FARP2: variants seen among roughly 807,000 people sequenced by gnomAD.
FARP2 encodes the protein FERM, ARH/RhoGEF and pleckstrin domain protein 2.
In FARP2, 111 loss-of-function variants were observed where a neutral mutation model predicts 130.5. The observed-to-expected ratio is 0.85, with a 90% CI of 0.73 to 1.00. The LOEUF is 1.00. Ranked by LOEUF, FARP2 falls within the 50% of genes least tolerant of loss-of-function variation. The pLI is 0.00. For synonymous variants in FARP2, 504 were observed against 516.9 expected (o/e 0.98, Z 0.34); for missense variants, 1,385 against 1,346.3 (o/e 1.03, Z -0.45).
chr2:241,449,919 A>G (rs960185762), intron 13 of FARP2, among the ~76,000 whole-genome samples: 1 of 151,968 alleles, frequency 6.6e-6, no homozygotes, highest in Non-Finnish European at 1.5e-5. Context: ...AGGCAGGAGA[A>G]TCACTTGAAC....
intron 2 of FARP2, among the ~76,000 whole-genome samples, chr2:241,389,414 C>T (rs759890400): frequency 7.2e-5 from 11 of 152,214 alleles, no homozygotes; most frequent in Non-Finnish European, 1.6e-4. Flanking sequence ...CATCTGTTAA[C>T]CAAGCCTTAT....
At chr2:241,489,153 G>T (rs1437880975) in intron 21 of FARP2, 1 of 152,190 alleles carries the variant, frequency 6.6e-6, no homozygotes, top group African/African-American at 2.4e-5. Flanking sequence ...CCAGTGAGAG[G>T]CTTGGTTGGT....
intron 22 of FARP2, among the ~76,000 whole-genome samples, chr2:241,490,384 A>G (rs988227186): frequency 1.3e-5 from 2 of 152,164 alleles, no homozygotes; most frequent in South Asian, 2.1e-4. Flanking sequence ...CGCTTCCCCA[A>G]CCCTCACGTC....
rs2064698081 is a variant in FARP2 at position 241,484,259 on chromosome 2, G to A, written c.2349G>A (p.Leu783=). 1 of 1,614,040 alleles carries A rather than the reference G, an allele frequency of 6.2e-7. No homozygotes were observed. Among genetic ancestry groups the A allele is most frequent in the Non-Finnish European group, 8.5e-7 (1 of 1,179,984 alleles). The change falls in exon 21 of 27, where the codon CTG becomes CTA. Residue 783 remains leucine, a synonymous_variant. Transcript: ENST00000264042. ...CTTCTCAGTTCTCAGATATGTTGCTGTACACAAGCAAAGGAGTTGCAGGGA... is the reference window on the plus strand; with the variant it reads ...CTTCTCAGTTCTCAGATATGTTGCTATACACAAGCAAAGGAGTTGCAGGGA... ...RMFFLFSDML[L]YTSKGVAGTS...
chr2:241,466,409 TG>T, intron 17 of FARP2: 1 of 985,408 alleles, frequency 1.0e-6, no homozygotes, highest in South Asian at 4.7e-5. Context: ...AGGCCCGCTG[TG>T]GGTGGGCACT....
chr2:241,481,713 G>A (rs2064620076), intron 19 of FARP2, among the ~76,000 whole-genome samples: 1 of 152,084 alleles, frequency 6.6e-6, no homozygotes, highest in Non-Finnish European at 1.5e-5. Flanking sequence ...GGTGGCCCAG[G>A]GAACTGTCAC....
At chr2:241,404,335 A>AAAGC (rs2062275067) in intron 3 of FARP2, among the ~76,000 whole-genome samples, 1 of 152,204 alleles carries the variant, frequency 6.6e-6, no homozygotes, top group Admixed American at 6.5e-5. Context: ...TTTAGTTCAA[A>AAAGC]AAGCATGTCA....
intron 3 of FARP2, among the ~76,000 whole-genome samples, chr2:241,404,348 G>T (rs894136616): frequency 6.6e-6 from 1 of 152,134 alleles, no homozygotes; most frequent in Non-Finnish European, 1.5e-5. Context: ...GCATGTCAGC[G>T]TTATTAAGTT....
intron 14 of FARP2, among the ~76,000 whole-genome samples, chr2:241,460,107 C>G (rs538781410): frequency 6.6e-6 from 1 of 152,184 alleles, no homozygotes; most frequent in Non-Finnish European, 1.5e-5. Flanking sequence ...CTCCCTCTAC[C>G]AGACTCTCCC....
intron 16 of FARP2, 69 bp from the exon 17 acceptor site, chr2:241,463,830 T>G (rs2064093382): frequency 3.7e-6 from 5 of 1,341,616 alleles, no homozygotes; most frequent in Non-Finnish European, 5.3e-6. Context: ...GCTGTCACCC[T>G]GCGTCAGATT....
chr2:241,416,789 G>A (rs905242240), intron 7 of FARP2, among the ~76,000 whole-genome samples: 6 of 152,094 alleles, frequency 3.9e-5, no homozygotes, highest in African/African-American at 1.4e-4. Context: ...CGTGCCTGTG[G>A]TCTCAGCTAC....
rs997064126 is a variant in FARP2 at position 241,404,791 on chromosome 2, T to C, written c.289-8T>C. 2.5e-6 allele frequency: 4 copies of C among 1,598,520 alleles called. No homozygotes were observed. In the Admixed American group the frequency reaches 5.0e-5, roughly 20 times the overall value. ...TAGATTGGATTTCTTCTGTTAACTC[T>C]TCTTTAGATTTGGCTTGAACCTATG... On this transcript the variant is annotated splice_polypyrimidine_tract_variant and splice_region_variant and intron_variant, in intron 3 of 26. Transcript: ENST00000264042.
intron 2 of FARP2, among the ~76,000 whole-genome samples, chr2:241,383,111 C>T (rs909762588): frequency 2.6e-5 from 4 of 152,220 alleles, no homozygotes; most frequent in Admixed American, 2.0e-4. Flanking sequence ...CCCCAACAGC[C>T]TTAGGCCAGC....
intron 13 of FARP2, among the ~76,000 whole-genome samples, chr2:241,455,735 C>CTTTTTTTTTTTTTT (rs1180839402): frequency 1.1e-5 from 1 of 94,802 alleles, no homozygotes; most frequent in Non-Finnish European, 2.1e-5. Context: ...CTAAAGTTTT[C>CTTTTTTTTTTTTTT]TTTTTTTTTT....
chr2:241,405,622 A>G (rs61268124), intron 4 of FARP2, among the ~76,000 whole-genome samples: 1 of 151,286 alleles, frequency 6.6e-6, no homozygotes, highest in African/African-American at 2.4e-5. Context: ...GATTTCAAAA[A>G]TAATGTGTTT....
In FARP2 at chr2:241,494,106, T is replaced by C; in HGVS notation, c.3146T>C (p.Val1049Ala). Residue 1049 changes from valine (V) to alanine (A), a missense_variant, in exon 27 of 27, where the codon GTC becomes GCC. Val to Ala is a moderately conservative substitution (Grantham distance 64, BLOSUM62 0). Transcript: ENST00000264042. This position sits in a 1 kb window ranked among gnomAD's most constrained non-coding sequence, Gnocchi z 4.9. Reference sequence around the variant, plus strand: ...CCCTCCTCAGGGCTGGAGGGGATGGTCAGGGGGAAGGAGGAATGACGCTCA... The same window carrying C: ...CCCTCCTCAGGGCTGGAGGGGATGGCCAGGGGGAAGGAGGAATGACGCTCA... ...PQPSSGLEGM[V>A]RGKEE 2 of 1,476,312 alleles carry C rather than the reference T, an allele frequency of 1.4e-6. No homozygotes were observed. Among genetic ancestry groups the C allele is most frequent in the Non-Finnish European group, 8.9e-7 (1 of 1,121,996 alleles). The allele number at this position is 1,476,312 out of a possible 1,614,324, so 91.5% of individuals were successfully genotyped here.
At position 241,366,127 on chromosome 2, in the gene FARP2, A is replaced by ATATATATATACG. The variant is rs2061312727; in HGVS notation, c.-24-6947_-24-6946insCGTATATATATA. On this transcript the variant is annotated intron_variant, in intron 1 of 26. Transcript: ENST00000264042. ...AAAATATATATATATATATACGTAT[A>ATATATATATACG]TATATATATATACACACACACATAT... Among the ~76,000 whole-genome samples the ATATATATATACG allele has an allele frequency of 2.9e-5, 4 of 136,476 alleles. 1 individual carries two copies. Among genetic ancestry groups the ATATATATATACG allele is most frequent in the Admixed American group, 1.6e-4 (2 of 12,838 alleles). 89.5% of individuals were successfully genotyped at this position (136,476 alleles called of 152,430 possible).
intron 20 of FARP2, 133 bp from the exon 21 acceptor site, chr2:241,484,109 C>G: frequency 6.9e-7 from 1 of 1,459,764 alleles, no homozygotes; most frequent in Non-Finnish European, 9.1e-7. Context: ...ATAAAAGTCC[C>G]CTTTCTGCCA....
At chr2:241,472,827 A>G (rs1247726457) in intron 18 of FARP2, among the ~76,000 whole-genome samples, 5 of 133,470 alleles carry the variant, frequency 3.7e-5, no homozygotes, top group African/African-American at 1.4e-4. Flanking sequence ...AGGGGACGCT[A>G]TTCTGAATGT....
Sources: gnomAD v4.1 joint callset for allele counts (sites outside exome capture counted in the v4.1 genomes callset) on GRCh38, gnomAD v4.1.1 for gene constraint, Gnocchi (gnomAD v3.1) non-coding constraint, MANE v1.5 for transcripts, NCBI Gene and HGNC (gene_info 2026-07-23, HGNC 2026-07-21) for gene names.